TRDN: variants seen among roughly 807,000 people sequenced by gnomAD.
TRDN encodes the protein triadin.
In TRDN, 161 loss-of-function variants were observed where a neutral mutation model predicts 149.7. The ratio of observed to expected loss-of-function variants is 1.08; its 90% CI spans 0.95 to 1.23. TRDN has a LOEUF of 1.23. Ranked by LOEUF, TRDN falls within the 50% of genes most tolerant of loss-of-function variation. The probability of loss-of-function intolerance (pLI) is 0.00; values close to 1 mark genes in which losing one functional copy is unlikely to be tolerated. For synonymous variants in TRDN, 294 were observed against 250.5 expected (o/e 1.17, Z -1.64); for missense variants, 896 against 823.5 (o/e 1.09, Z -1.08).
intron 1 of TRDN, among the ~76,000 whole-genome samples, chr6:123,611,237 A>G (rs960363213): frequency 3.3e-5 from 5 of 152,308 alleles, no homozygotes; most frequent in South Asian, 4.1e-4. Flanking sequence ...TTTAAATTCT[A>G]AATCTGATAA....
intron 8 of TRDN, chr6:123,498,323 C>T (rs1028083947): frequency 4.4e-5 from 12 of 275,714 alleles, no homozygotes; most frequent in Admixed American, 8.2e-5. Flanking sequence ...TTGTAAATCT[C>T]GTTCTTTTTA....
At chr6:123,327,602 G>C (rs1006704022) in intron 23 of TRDN, among the ~76,000 whole-genome samples, 13 of 151,936 alleles carry the variant, frequency 8.6e-5, no homozygotes, top group African/African-American at 2.9e-4. Flanking sequence ...TTGTGAATAG[G>C]GTACCCTGAA....
At chr6:123,390,044 G>T (rs1782048571) in intron 13 of TRDN, among the ~76,000 whole-genome samples, 1 of 152,038 alleles carries the variant, frequency 6.6e-6, no homozygotes, top group Non-Finnish European at 1.5e-5. Context: ...TGATTTGGAT[G>T]GATGGGTATG....
chr6:123,397,211 T>G (rs12198656), intron 12 of TRDN, among the ~76,000 whole-genome samples: 81,961 of 151,832 alleles, frequency 0.54, 22,956 homozygotes, highest in African/African-American at 0.68. Flanking sequence ...ACTCCCCCCA[T>G]CTGCAGTGAA....
At chr6:123,282,725 T>TTTA (rs1777629757) in intron 24 of TRDN, among the ~76,000 whole-genome samples, 1 of 142,504 alleles carries the variant, frequency 7.0e-6, no homozygotes, top group South Asian at 2.5e-4. Context: ...CAGAAACTGC[T>TTTA]CTATTAGATC....
At chr6:123,549,119 G>C (rs891258254) in intron 2 of TRDN, among the ~76,000 whole-genome samples, 13 of 152,158 alleles carry the variant, frequency 8.5e-5, no homozygotes, top group African/African-American at 3.1e-4. Context: ...GAATAGTCAA[G>C]TTAGTGATCA....
chr6:123,483,389 A>T (rs1777849772), intron 9 of TRDN, among the ~76,000 whole-genome samples: 1 of 152,086 alleles, frequency 6.6e-6, no homozygotes, highest in African/African-American at 2.4e-5. Flanking sequence ...GGCGTGAGCC[A>T]CTGCGCCCGG....
At chr6:123,613,102 A>G (rs1784898837) in intron 1 of TRDN, among the ~76,000 whole-genome samples, 1 of 152,212 alleles carries the variant, frequency 6.6e-6, no homozygotes, top group African/African-American at 2.4e-5. Context: ...AAATAAGTAC[A>G]AAGGACGACT....
intron 24 of TRDN, among the ~76,000 whole-genome samples, chr6:123,302,901 T>C (rs1778480197): frequency 2.6e-5 from 4 of 152,188 alleles, no homozygotes; most frequent in Admixed American, 2.0e-4. Context: ...GACCACACTT[T>C]AAATAGTAAC....
chr6:123,399,145 A>C (rs1306807301), intron 12 of TRDN, among the ~76,000 whole-genome samples: 4 of 152,312 alleles, frequency 2.6e-5, no homozygotes, highest in South Asian at 2.1e-4. Flanking sequence ...TCTTAATTTG[A>C]AAAAAGAAAG....
chr6:123,377,631 G>A (rs376383586), intron 18 of TRDN, 85 bp downstream of exon 18: 39 of 1,497,794 alleles, frequency 2.6e-5, no homozygotes, highest in East Asian at 6.8e-5. Flanking sequence ...CTTTACTGGC[G>A]CTGCCTTACC....
chr6:123,318,205 GTTCT>G (rs1292247403), intron 23 of TRDN, among the ~76,000 whole-genome samples: 2 of 151,652 alleles, frequency 1.3e-5, no homozygotes, highest in Admixed American at 6.6e-5. Context: ...TTCTCTAATA[GTTCT>G]TTCTTTATTG....
chr6:123,278,182 GTT>G, intron 26 of TRDN, 134 bp downstream of exon 26: 1 of 560,094 alleles, frequency 1.8e-6, no homozygotes, highest in South Asian at 2.5e-5. Flanking sequence ...TATATATTTT[GTT>G]AGTTTTTTTT....
chr6:123,448,366 C>A (rs1775529922), intron 10 of TRDN, among the ~76,000 whole-genome samples: 1 of 152,132 alleles, frequency 6.6e-6, no homozygotes, highest in African/African-American at 2.4e-5. Flanking sequence ...TCGCCCTCCA[C>A]CTGGAAACAG....
At chr6:123,527,613 G>C (rs969684549) in intron 5 of TRDN, among the ~76,000 whole-genome samples, 15 of 151,810 alleles carry the variant, frequency 9.9e-5, no homozygotes, top group Non-Finnish European at 8.8e-5. Context: ...AACTCATTCT[G>C]CCTGTTCCCC....
chr6:123,291,216 G>T (rs536827345), intron 24 of TRDN, among the ~76,000 whole-genome samples: 2 of 151,976 alleles, frequency 1.3e-5, no homozygotes, highest in Non-Finnish European at 2.9e-5. Context: ...TATATGAAGA[G>T]GGATCTTGTA....
chr6:123,392,744 A>G (rs1283301785), intron 13 of TRDN, among the ~76,000 whole-genome samples: 4 of 152,010 alleles, frequency 2.6e-5, no homozygotes, highest in African/African-American at 9.7e-5. Flanking sequence ...CCATGTTACC[A>G]ATATTTTCGG....
intron 9 of TRDN, among the ~76,000 whole-genome samples, chr6:123,487,661 T>G (rs919963911): frequency 6.6e-6 from 1 of 152,142 alleles, no homozygotes; most frequent in Non-Finnish European, 1.5e-5. Context: ...CATCAAAACA[T>G]ATACAACGTA....
intron 38 of TRDN, among the ~76,000 whole-genome samples, chr6:123,245,272 A>T (rs549867840): frequency 2.1e-4 from 32 of 152,286 alleles, no homozygotes; most frequent in African/African-American, 7.2e-4. Context: ...AAATGGGCTA[A>T]ATGCCCCAAT....
Sources: gnomAD v4.1 joint callset for allele counts (sites outside exome capture counted in the v4.1 genomes callset) on GRCh38, gnomAD v4.1.1 for gene constraint, MANE v1.5 for transcripts, NCBI Gene and HGNC (gene_info 2026-07-23, HGNC 2026-07-21) for gene names.